The following OTOA variants were observed in gnomAD, a reference collection of about 807,000 sequenced individuals.
The protein encoded by OTOA is otoancorin.
A neutral mutation model predicts 110.8 loss-of-function variants in OTOA; 70 were observed. The observed-to-expected ratio is 0.63, with a 90% confidence interval of 0.52 to 0.77. OTOA has a LOEUF of 0.77. Ranked by LOEUF, OTOA falls within the 30% of genes least tolerant of loss-of-function variation. The pLI is 0.00. For missense variants in OTOA, 917 were observed against 1,075.8 expected (o/e 0.85, Z 2.06); for synonymous variants, 373 against 431.5 (o/e 0.86, Z 1.68).
intron 1 of OTOA, among the ~76,000 whole-genome samples, chr16:21,671,579 T>A (rs1235256286): frequency 2.0e-5 from 2 of 99,248 alleles, no homozygotes; most frequent in African/African-American, 8.9e-5. Flanking sequence ...AGAGTAAGAC[T>A]CCATATCAAA....
rs540677762 is a variant in OTOA at position 21,673,624 on chromosome 16, G to C, written c.-4-4887G>C. ...TTTAGGTGCATCAAAGTTGTTGCCTGTATCAATAGTTCATTCCTTTTCATT... is the reference window on the plus strand; with the variant it reads ...TTTAGGTGCATCAAAGTTGTTGCCTCTATCAATAGTTCATTCCTTTTCATT... On this transcript the variant is annotated intron_variant, in intron 1 of 28. Transcript: ENST00000646100. Among the ~76,000 whole-genome samples, 4 of 152,308 alleles carry C rather than the reference G, an allele frequency of 2.6e-5. No homozygotes were observed. The South Asian group carries it at 8.3e-4, about 32-fold the overall frequency.
chr16:21,671,957 C>A (rs1177814593), intron 1 of OTOA, among the ~76,000 whole-genome samples: 3 of 152,024 alleles, frequency 2.0e-5, no homozygotes. Context: ...TATAGTGAGA[C>A]CCTATATCTA....
rs901983167 is a variant in OTOA at position 21,683,957 on chromosome 16, T to A, written c.268-1273T>A. Among the ~76,000 whole-genome samples, 7 of 151,894 alleles carry A rather than the reference T, an allele frequency of 4.6e-5. No homozygotes were observed. The East Asian group carries it at 1.4e-3, about 30-fold the overall frequency. ...CTAATTTGTGTATTTTTAGTAGAGA[T>A]GGGGTTTCACTATGTTGGCCAGGCT... is the stretch of plus-strand genomic sequence containing the variant. On this transcript the variant is annotated intron_variant, in intron 6 of 28. Coordinates refer to ENST00000646100, the MANE Select transcript of OTOA (RefSeq NM_144672.4).
chr16:21,728,690 G>A (rs557970044), intron 20 of OTOA, among the ~76,000 whole-genome samples: 1 of 151,698 alleles, frequency 6.6e-6, no homozygotes, highest in Non-Finnish European at 1.5e-5. Context: ...CCTGGTTCAA[G>A]CGATTCTCCT....
At position 21,735,082 on chromosome 16, in the gene OTOA, A is replaced by G. The variant is rs535150916; in HGVS notation, c.2302-1179A>G. Among the ~76,000 whole-genome samples the G allele has an allele frequency of 7.2e-3, 1,065 of 148,350 alleles. 7 individuals are homozygous for G. Among genetic ancestry groups the G allele is most frequent in the Non-Finnish European group, 1.0e-2 (668 of 67,120 alleles). ...CTTGAGCCTGGGAGGTGGAGGTTGCAGTGAGTGGAGATCACACCACTGTAT... is the reference window on the plus strand; with the variant it reads ...CTTGAGCCTGGGAGGTGGAGGTTGCGGTGAGTGGAGATCACACCACTGTAT... On this transcript the variant is annotated intron_variant, in intron 21 of 28. Coordinates refer to ENST00000646100, the MANE Select transcript of OTOA (RefSeq NM_144672.4).
intron 21 of OTOA, among the ~76,000 whole-genome samples, chr16:21,733,963 T>C (rs1899200487): frequency 6.6e-6 from 1 of 151,756 alleles, no homozygotes; most frequent in Admixed American, 6.6e-5. Context: ...CCATGCCGAG[T>C]GAATTTTTGT....
chr16:21,726,888 A>G lies in OTOA; in HGVS notation c.2016+230A>G, dbSNP rs368754821. ...GGGAGGCTACTCTGGAGGAATGGAA[A>G]GAGCACAGTACCCAGAGACTGGGTG... On this transcript the variant is annotated intron_variant, in intron 19 of 28. Coordinates refer to ENST00000646100, the MANE Select transcript of OTOA (RefSeq NM_144672.4). Among the ~76,000 whole-genome samples the G allele has an allele frequency of 4.8e-4, 73 of 152,242 alleles. No individual in the cohort carries two copies. The South Asian group carries it at 0.015, about 31-fold the overall frequency.
At chr16:21,700,422 C>T (rs1898027520) in intron 10 of OTOA, among the ~76,000 whole-genome samples, 1 of 152,128 alleles carries the variant, frequency 6.6e-6, no homozygotes, top group Admixed American at 6.6e-5. Flanking sequence ...TTACAGACCA[C>T]TAAGAAATCA....
At chr16:21,678,449 T>C in intron 1 of OTOA, 62 bp from the exon 2 acceptor site, 1 of 977,192 alleles carries the variant, frequency 1.0e-6, no homozygotes, top group East Asian at 2.8e-5. Flanking sequence ...TATATGTGTG[T>C]GTGTGTATAT....
At chr16:21,686,958 C>T (rs928019656) in intron 7 of OTOA, among the ~76,000 whole-genome samples, 1 of 152,108 alleles carries the variant, frequency 6.6e-6, no homozygotes, top group African/African-American at 2.4e-5. Context: ...AGATGAGAAC[C>T]ACGGGCTTGG....
In OTOA at chr16:21,695,868, TA is replaced by T. The variant is rs1897921612; in HGVS notation, c.740-1906del. Among the ~76,000 whole-genome samples, 18 of 65,328 alleles carry T rather than the reference TA, an allele frequency of 2.8e-4. No individual in the cohort carries two copies. In the South Asian group the frequency reaches 0.012, roughly 42 times the overall value. The allele number at this position is 65,328 out of a possible 152,430, so 42.9% of individuals were successfully genotyped here. A position where few individuals can be genotyped will look rare whatever the true frequency, so the allele number is the denominator to read the frequency against. The stretch of plus-strand genomic sequence containing the variant: ...TTGAAGTCTGATCCTAGACTTGAGA[TA>T]TATATATATATATATATATATATTT... On this transcript the variant is annotated intron_variant, in intron 9 of 28. Coordinates refer to ENST00000646100, the MANE Select transcript of OTOA (RefSeq NM_144672.4).
intron 1 of OTOA, among the ~76,000 whole-genome samples, chr16:21,675,620 C>T (rs2141650232): frequency 6.6e-6 from 1 of 152,178 alleles, no homozygotes; most frequent in Middle Eastern, 3.4e-3. Context: ...TTCAAGTTCA[C>T]TAATTTTTCT....
intron 7 of OTOA, among the ~76,000 whole-genome samples, chr16:21,686,311 CAG>C (rs974612342): frequency 6.7e-6 from 1 of 148,812 alleles, no homozygotes; most frequent in Non-Finnish European, 1.5e-5. Context: ...TTCTTAGAGA[CAG>C]GGGCTTGCTC....
rs141242505 is a variant in OTOA at position 21,736,380 on chromosome 16, C to A, written c.2421C>A (p.Asp807Glu). 4 of 1,614,044 alleles carry A rather than the reference C, an allele frequency of 2.5e-6. No homozygotes were observed. In the African/African-American group the frequency reaches 4.0e-5, roughly 16 times the overall value. ...RNSSDKIPSY[D>E]PMPGCHGVVA... ...GCAGTGATAAGATCCCCAGCTATGACCCTATGCCTGGTGAGTGTTTTCAGG... is the reference window on the plus strand; with the variant it reads ...GCAGTGATAAGATCCCCAGCTATGAACCTATGCCTGGTGAGTGTTTTCAGG... The change falls in exon 22 of 29, where the codon GAC becomes GAA. Residue 807 changes from aspartate (D) to glutamate (E), a missense_variant. This residue lies in a region of OTOA where 57 missense variants were observed against 59.7 expected (regional missense o/e 0.96). Transcript: ENST00000646100.
At chr16:21,683,696 AC>A (rs983563894) in intron 6 of OTOA, among the ~76,000 whole-genome samples, 4 of 151,804 alleles carry the variant, frequency 2.6e-5, no homozygotes, top group Non-Finnish European at 5.9e-5. Flanking sequence ...ACAGAGCAAG[AC>A]CCCGTCTCTA....
chr16:21,732,086 C>T lies in OTOA; in HGVS notation c.2301+1156C>T, dbSNP rs371377843. ...GTTCAAGTGATTCTCCTGCCTCAGC[C>T]TCCCGAGTAGCTGGGATTACAGGCC... On this transcript the variant is annotated intron_variant, in intron 21 of 28. Coordinates refer to ENST00000646100, the MANE Select transcript of OTOA (RefSeq NM_144672.4). Among the ~76,000 whole-genome samples the T allele has an allele frequency of 2.9e-3, 441 of 152,084 alleles. 4 individuals are homozygous for T. In the East Asian group the frequency reaches 0.039, roughly 13 times the overall value.
intron 21 of OTOA, among the ~76,000 whole-genome samples, chr16:21,733,362 G>A (rs1899176363): frequency 6.6e-6 from 1 of 150,794 alleles, no homozygotes; most frequent in Admixed American, 6.6e-5. Context: ...CACCTGGGGA[G>A]ATTCCAAGAG....
chr16:21,733,809 C>T (rs1899192893), intron 21 of OTOA, among the ~76,000 whole-genome samples: 1 of 151,898 alleles, frequency 6.6e-6, no homozygotes, highest in East Asian at 1.9e-4. Context: ...TTTTTTCTTT[C>T]TCTTTTTTGA....
At chr16:21,750,150 C>T (rs1354070714) in intron 24 of OTOA, among the ~76,000 whole-genome samples, 1 of 152,284 alleles carries the variant, frequency 6.6e-6, no homozygotes, top group African/African-American at 2.4e-5. Flanking sequence ...TGCAGTGGCT[C>T]ATACCTGTAG....
Sources: allele counts gnomAD v4.1 joint callset (sites outside exome capture counted in the v4.1 genomes callset), GRCh38; gene constraint gnomAD v4.1.1; regional missense constraint gnomAD v4.1.1; transcripts MANE v1.5; gene names NCBI Gene and HGNC (gene_info 2026-07-23, HGNC 2026-07-21).